CDH18: variants seen among roughly 807,000 people sequenced by gnomAD.
CDH18 encodes the protein cadherin 18, also known as cadherin-18.
In CDH18, 31 loss-of-function variants were observed where a neutral mutation model predicts 67.9. That is an observed-to-expected ratio of 0.46 (90% CI 0.34 to 0.62). CDH18 has a LOEUF of 0.62. Among genes scored for constraint, CDH18 ranks in the 20% least tolerant of loss-of-function variants. CDH18 has a pLI of 0.01. For missense variants in CDH18, 890 were observed against 975.5 expected (o/e 0.91, Z 1.17); for synonymous variants, 362 against 347.2 (o/e 1.04, Z -0.48).
chr5:19,536,749 T>A (rs774035309), intron 9 of CDH18, among the ~76,000 whole-genome samples: 3 of 152,116 alleles, frequency 2.0e-5, no homozygotes, highest in Non-Finnish European at 4.4e-5. Context: ...CCACAGAGTG[T>A]CTGATTCACT....
Position 19,520,752 on chromosome 5 carries a change from T to C in CDH18, c.1417A>G (p.Thr473Ala). 6.2e-7 allele frequency: 1 copy of C among 1,613,390 alleles called. No individual in the cohort carries two copies. The highest frequency in any genetic ancestry group is 1.1e-5 in the South Asian group (1 of 91,018). Reference protein sequence around the residue: ...IDNPDLLSHVTVGIRVLDVND... With the variant: ...IDNPDLLSHVAVGIRVLDVND... Reference sequence around the variant, plus strand: ...ACATCCAGAACTCTAATACCCACTGTGACATGGCTCAGCAAATCAGGATTA... The same window carrying C: ...ACATCCAGAACTCTAATACCCACTGCGACATGGCTCAGCAAATCAGGATTA... The change falls in exon 10 of 13, where the codon ACA becomes GCA. Residue 473 changes from threonine (T) to alanine (A), a missense_variant. By Grantham distance (58) the Thr-to-Ala change is moderately conservative (BLOSUM62 0). Coordinates refer to ENST00000382275, the MANE Select transcript of CDH18 (RefSeq NM_004934.5).
chr5:20,101,402 T>C (rs1746452863), intron 2 of CDH18, among the ~76,000 whole-genome samples: 1 of 152,200 alleles, frequency 6.6e-6, no homozygotes, highest in South Asian at 2.1e-4. Flanking sequence ...GTAAAAAATA[T>C]TATCTTTTTA....
chr5:19,969,051 C>A (rs1333505917), intron 2 of CDH18, among the ~76,000 whole-genome samples: 3 of 139,004 alleles, frequency 2.2e-5, no homozygotes, highest in Non-Finnish European at 4.4e-5. Flanking sequence ...ACAGACACTT[C>A]TCAAAAGAAG....
At chr5:19,628,539 T>G (rs1419572336) in intron 5 of CDH18, among the ~76,000 whole-genome samples, 1 of 152,036 alleles carries the variant, frequency 6.6e-6, no homozygotes, top group Non-Finnish European at 1.5e-5. Flanking sequence ...TAGGGTTTCC[T>G]GATGTCATAG....
intron 1 of CDH18, among the ~76,000 whole-genome samples, chr5:20,381,617 T>C (rs897537069): frequency 6.6e-6 from 1 of 152,194 alleles, no homozygotes; most frequent in Admixed American, 6.5e-5. Context: ...TTTTCAATGA[T>C]GTGTGCTCAG....
At chr5:20,321,940 C>T (rs10079950) in intron 1 of CDH18, among the ~76,000 whole-genome samples, 16,196 of 152,106 alleles carry the variant, frequency 0.11, 940 homozygotes, top group Non-Finnish European at 0.13. Context: ...CCAAAGCCTA[C>T]TTTTTCATAT....
chr5:20,088,630 T>C (rs965290971), intron 2 of CDH18, among the ~76,000 whole-genome samples: 1 of 152,136 alleles, frequency 6.6e-6, no homozygotes, highest in East Asian at 1.9e-4. Flanking sequence ...AGGGCCAGAA[T>C]GCAGATCGAC....
chr5:19,708,850 T>G (rs372683475), intron 5 of CDH18, among the ~76,000 whole-genome samples: 1 of 152,082 alleles, frequency 6.6e-6, no homozygotes, highest in Non-Finnish European at 1.5e-5. Context: ...GTCAGCCCCC[T>G]GATTCCCACT....
At chr5:19,848,483 G>C (rs1452168003) in intron 2 of CDH18, among the ~76,000 whole-genome samples, 1 of 152,032 alleles carries the variant, frequency 6.6e-6, no homozygotes, top group Non-Finnish European at 1.5e-5. Context: ...AAAGAGAATT[G>C]GTCCATGTAT....
At position 19,650,816 on chromosome 5, in the gene CDH18, A is replaced by T. The variant is rs142871637; in HGVS notation, c.644-38215T>A. Reference sequence around the variant, plus strand: ...ACTAGGGAAGAATAATGACAGAATTAGCTCTTTTCAGATGGTTTTACACAA... The same window carrying T: ...ACTAGGGAAGAATAATGACAGAATTTGCTCTTTTCAGATGGTTTTACACAA... On this transcript the variant is annotated intron_variant, in intron 5 of 12. Transcript: ENST00000382275. Among the ~76,000 whole-genome samples the T allele has an allele frequency of 7.7e-3, 1,178 of 152,148 alleles. 17 individuals carry two copies. The highest frequency in any genetic ancestry group is 0.027 in the African/African-American group (1,114 of 41,558).
At chr5:20,171,887 G>T in intron 2 of CDH18, among the ~76,000 whole-genome samples, 1 of 150,466 alleles carries the variant, frequency 6.6e-6, no homozygotes. Context: ...GTCTTCAGTT[G>T]ATTTTTTTTT....
intron 4 of CDH18, among the ~76,000 whole-genome samples, chr5:19,743,455 T>C (rs1020761148): frequency 9.2e-5 from 14 of 152,256 alleles, no homozygotes; most frequent in Admixed American, 3.3e-4. Flanking sequence ...ATGACCTTCT[T>C]CCCAAACATC....
At chr5:19,951,712 C>T (rs1323826036) in intron 2 of CDH18, among the ~76,000 whole-genome samples, 1 of 152,120 alleles carries the variant, frequency 6.6e-6, no homozygotes, top group East Asian at 1.9e-4. Context: ...TAAGAGTACA[C>T]ATTTGCATTA....
intron 5 of CDH18, among the ~76,000 whole-genome samples, chr5:19,627,909 G>A (rs1165169280): frequency 1.3e-5 from 2 of 152,166 alleles, no homozygotes; most frequent in African/African-American, 4.8e-5. Context: ...GATGGGCCAG[G>A]TAATTAAGAG....
At chr5:19,509,980 T>C (rs540377369) in intron 10 of CDH18, among the ~76,000 whole-genome samples, 49 of 152,280 alleles carry the variant, frequency 3.2e-4, no homozygotes, top group African/African-American at 1.1e-3. Flanking sequence ...TGAACTCTGC[T>C]GTTATACGGG....
At chr5:19,871,584 C>G (rs1786294887) in intron 2 of CDH18, among the ~76,000 whole-genome samples, 1 of 151,990 alleles carries the variant, frequency 6.6e-6, no homozygotes. Context: ...CTTAATATTT[C>G]CTAATATGAA....
At chr5:19,899,270 G>A (rs1427544964) in intron 2 of CDH18, among the ~76,000 whole-genome samples, 1 of 151,866 alleles carries the variant, frequency 6.6e-6, no homozygotes, top group African/African-American at 2.4e-5. Context: ...CATAGTGGCG[G>A]GTGCCTGTAG....
At chr5:19,652,074 G>T (rs980546898) in intron 5 of CDH18, among the ~76,000 whole-genome samples, 4 of 151,822 alleles carry the variant, frequency 2.6e-5, no homozygotes, top group Non-Finnish European at 4.4e-5. Context: ...ATACAGTTAA[G>T]TAGAACAGCC....
At chr5:19,721,156 G>A (rs561335668) in intron 5 of CDH18, among the ~76,000 whole-genome samples, 191 bp downstream of exon 5, 2 of 152,262 alleles carry the variant, frequency 1.3e-5, no homozygotes, top group South Asian at 4.1e-4. Flanking sequence ...ACATAATAGG[G>A]AAAGCATAAT....
Sources: gnomAD v4.1 joint callset for allele counts (sites outside exome capture counted in the v4.1 genomes callset) on GRCh38, gnomAD v4.1.1 for gene constraint, MANE v1.5 for transcripts, NCBI Gene and HGNC (gene_info 2026-07-23, HGNC 2026-07-21) for gene names.